Variants in ITGBL1 observed in about 807,000 individuals in gnomAD.
ITGBL1 encodes integrin beta-like protein 1.
ITGBL1 carries 51 observed loss-of-function variants against 68.5 expected under a neutral mutation model. The observed-to-expected ratio is 0.74, with a 90% confidence interval of 0.59 to 0.94. The LOEUF (loss-of-function observed/expected upper bound fraction) is 0.94, where lower values mean the gene tolerates loss of function less well. Among genes scored for constraint, ITGBL1 ranks in the 40% least tolerant of loss-of-function variants. The pLI is 0.00. For missense variants in ITGBL1, 649 were observed against 647.4 expected, an observed-to-expected ratio of 1.00 and a Z score of -0.03; for synonymous variants, 209 against 227.3, an observed-to-expected ratio of 0.92 and a Z score of 0.72.
chr13:101,583,564 G>A (rs908536210), intron 6 of ITGBL1, among the ~76,000 whole-genome samples: 33 of 152,238 alleles, frequency 2.2e-4, no homozygotes, highest in Non-Finnish European at 2.5e-4. Flanking sequence ...ATAAATGCTT[G>A]GAGGGGATGG....
intron 2 of ITGBL1, among the ~76,000 whole-genome samples, chr13:101,493,867 A>T (rs570005668): frequency 6.6e-6 from 1 of 152,208 alleles, no homozygotes; most frequent in Non-Finnish European, 1.5e-5. Context: ...TGTGCAAAGT[A>T]TGTTGCCATC....
Position 101,598,199 on chromosome 13 carries a change from G to C in ITGBL1, c.915G>C (p.Trp305Cys). 6.2e-7 allele frequency: 1 copy of C among 1,613,788 alleles called. No individual in the cohort carries two copies. The highest frequency in any genetic ancestry group is 8.5e-7 in the Non-Finnish European group (1 of 1,179,858). The change falls in exon 7 of 11, where the codon TGG (tryptophan) becomes TGC (cysteine). Residue 305 changes from tryptophan (W) to cysteine (C), a missense_variant. Physicochemically the swap from Trp to Cys is radical, Grantham distance 215 (BLOSUM62 -2). Transcript: ENST00000376180. ...NCGRCDCKAG[W>C]YGKKCEHPQS... ...GAAGATGTGACTGCAAAGCAGGCTG[G>C]TATGGGAAGAAGTGTGAGCACCCAC...
At chr13:101,597,492 A>C (rs576630682) in intron 6 of ITGBL1, among the ~76,000 whole-genome samples, 1 of 149,318 alleles carries the variant, frequency 6.7e-6, no homozygotes, top group African/African-American at 2.4e-5. Context: ...CCTCCATGCA[A>C]ATTAATTGCC....
rs1372374127 is a variant in ITGBL1 at position 101,606,081 on chromosome 13, T to C, written c.1015+7782T>C. ...TGTATATATATGTGATATATATATA[T>C]GCTATATATATATATATGCTCTCTC... On this transcript the variant is annotated intron_variant, in intron 7 of 10. Coordinates refer to ENST00000376180, the MANE Select transcript of ITGBL1 (RefSeq NM_004791.3). Among the ~76,000 whole-genome samples, 4 of 110,866 alleles carry C rather than the reference T, an allele frequency of 3.6e-5. No homozygotes were observed. The East Asian group carries it at 9.5e-4, about 26-fold the overall frequency. The allele number at this position is 110,866 out of a possible 152,430, so 72.7% of individuals were successfully genotyped here. A position where few individuals can be genotyped will look rare whatever the true frequency, so the allele number is the denominator to read the frequency against.
intron 2 of ITGBL1, among the ~76,000 whole-genome samples, chr13:101,562,998 A>C (rs1268242154): frequency 6.6e-6 from 1 of 151,644 alleles, no homozygotes; most frequent in African/African-American, 2.4e-5. Context: ...AATTTGAACA[A>C]CACACTTCTA....
chr13:101,489,351 C>T (rs1247387656), intron 2 of ITGBL1, among the ~76,000 whole-genome samples: 3 of 152,160 alleles, frequency 2.0e-5, no homozygotes, highest in African/African-American at 7.2e-5. Context: ...AAACAAAAAT[C>T]TTTCCAAAGT....
At chr13:101,572,571 C>G (rs1032780296) in intron 3 of ITGBL1, among the ~76,000 whole-genome samples, 3 of 152,048 alleles carry the variant, frequency 2.0e-5, no homozygotes, top group African/African-American at 4.8e-5. Flanking sequence ...CTGGCAACCA[C>G]GAGAGAGAAG....
intron 7 of ITGBL1, among the ~76,000 whole-genome samples, chr13:101,683,162 G>C (rs573880647): frequency 6.6e-6 from 1 of 152,092 alleles, no homozygotes; most frequent in Non-Finnish European, 1.5e-5. Flanking sequence ...AATCCTAAAA[G>C]CTCCATTCTC....
chr13:101,528,512 T>C lies in ITGBL1; in HGVS notation c.317-39187T>C, dbSNP rs149831764. Reference sequence around the variant, plus strand: ...TATATTTATTAATTTATTTGTGCCATGTTGTGTTCTTCTTTTCCTAGATTC... The same window carrying C: ...TATATTTATTAATTTATTTGTGCCACGTTGTGTTCTTCTTTTCCTAGATTC... On this transcript the variant is annotated intron_variant, in intron 2 of 10. Transcript: ENST00000376180. Among the ~76,000 whole-genome samples the C allele has an allele frequency of 7.5e-3, 1,139 of 152,038 alleles. 13 individuals are homozygous for C. The highest frequency in any genetic ancestry group is 0.026 in the African/African-American group (1,060 of 41,550).
At chr13:101,494,667 A>T (rs954027398) in intron 2 of ITGBL1, among the ~76,000 whole-genome samples, 1 of 152,182 alleles carries the variant, frequency 6.6e-6, no homozygotes, top group African/African-American at 2.4e-5. Context: ...AAAATAAATG[A>T]TAGCATATTA....
intron 2 of ITGBL1, among the ~76,000 whole-genome samples, chr13:101,486,022 T>C (rs2048697648): frequency 6.6e-6 from 1 of 152,010 alleles, no homozygotes; most frequent in South Asian, 2.1e-4. Flanking sequence ...AAAGAAATCA[T>C]TAGACGAAAA....
chr13:101,704,077 GA>G (rs879898728), intron 8 of ITGBL1, among the ~76,000 whole-genome samples: 17,059 of 152,094 alleles, frequency 0.11, 1,385 homozygotes, highest in African/African-American at 0.23. Context: ...AATCTATACT[GA>G]ATAAATGCCT....
chr13:101,611,850 A>C (rs1201040536), intron 7 of ITGBL1, among the ~76,000 whole-genome samples: 1 of 152,138 alleles, frequency 6.6e-6, no homozygotes, highest in Non-Finnish European at 1.5e-5. Context: ...GTCATTTCTG[A>C]CATACCTTCA....
At chr13:101,597,153 T>A (rs1311030138) in intron 6 of ITGBL1, among the ~76,000 whole-genome samples, 1 of 152,122 alleles carries the variant, frequency 6.6e-6, no homozygotes, top group Admixed American at 6.6e-5. Flanking sequence ...TGGAGAAGGC[T>A]ATGCACGTGA....
At chr13:101,664,922 T>C (rs768283699) in intron 7 of ITGBL1, among the ~76,000 whole-genome samples, 1 of 152,146 alleles carries the variant, frequency 6.6e-6, no homozygotes, top group Non-Finnish European at 1.5e-5. Context: ...TTAGTAGAGA[T>C]GATGTTTCGC....
intron 5 of ITGBL1, among the ~76,000 whole-genome samples, chr13:101,580,549 C>T (rs2050439455): frequency 6.6e-6 from 1 of 152,108 alleles, no homozygotes; most frequent in African/African-American, 2.4e-5. Context: ...ATTAACTTAT[C>T]ATTTACATTA....
At chr13:101,511,821 C>T (rs890528336) in intron 2 of ITGBL1, among the ~76,000 whole-genome samples, 1 of 152,164 alleles carries the variant, frequency 6.6e-6, no homozygotes, top group African/African-American at 2.4e-5. Context: ...TAAGTTGTGC[C>T]CAGACTCCTG....
At chr13:101,715,087 CAT>C (rs1429476394) in intron 10 of ITGBL1, 3 of 166,798 alleles carry the variant, frequency 1.8e-5, no homozygotes, top group Admixed American at 1.2e-4. Flanking sequence ...GAAACAGAGA[CAT>C]GTATACTTCT....
chr13:101,462,851 G>A (rs1163113381), intron 2 of ITGBL1, among the ~76,000 whole-genome samples: 1 of 152,164 alleles, frequency 6.6e-6, no homozygotes, highest in African/African-American at 2.4e-5. Flanking sequence ...CCAAAGTGCT[G>A]CGATTACAAG....
Sources: gnomAD v4.1 joint callset for allele counts (sites outside exome capture counted in the v4.1 genomes callset) on GRCh38, gnomAD v4.1.1 for gene constraint, MANE v1.5 for transcripts, NCBI Gene and HGNC (gene_info 2026-07-23, HGNC 2026-07-21) for gene names.